WDR12: variants seen among roughly 807,000 people sequenced by gnomAD.
WDR12 encodes the protein ribosome biogenesis protein WDR12.
WDR12 carries 42 observed loss-of-function variants against 64.3 expected under a neutral mutation model. That is an observed-to-expected ratio of 0.65 (90% CI 0.51 to 0.84). The LOEUF (loss-of-function observed/expected upper bound fraction) is 0.84, where lower values mean the gene tolerates loss of function less well. Among genes scored for constraint, WDR12 ranks in the 40% least tolerant of loss-of-function variants. The pLI is 0.00. For missense variants in WDR12, 469 were observed against 494.6 expected (o/e 0.95, Z 0.49); for synonymous variants, 158 against 173.3 (o/e 0.91, Z 0.70).
At chr2:202,896,677 T>C (rs1018318196) in intron 5 of WDR12, among the ~76,000 whole-genome samples, 6 of 141,224 alleles carry the variant, frequency 4.2e-5, no homozygotes, top group African/African-American at 1.3e-4. Flanking sequence ...GGCGACAGAG[T>C]GAGACTCTGC....
At chr2:202,907,629 C>T (rs1436535881) in intron 2 of WDR12, among the ~76,000 whole-genome samples, 2 of 152,196 alleles carry the variant, frequency 1.3e-5, no homozygotes, top group Non-Finnish European at 2.9e-5. Flanking sequence ...TTAACTACAA[C>T]CACCATATTT....
At position 202,896,126 on chromosome 2, in the gene WDR12, T is replaced by C. The variant is rs773376948; in HGVS notation, c.548A>G (p.His183Arg). The C allele has an allele frequency of 3.4e-5, 55 of 1,614,008 alleles. No individual in the cohort carries two copies. Among genetic ancestry groups the C allele is most frequent in the Non-Finnish European group, 4.7e-5 (55 of 1,180,002 alleles). ...ACTTCCAGCATGACCTCTACAGCAG[T>C]GTAGGGCTTTCACTTTGTTTCTCTC... ...NVERNKVKAL[H>R]CCRGHAGSVD... Residue 183 changes from histidine (H) to arginine (R), a missense_variant, in exon 6 of 13, where the codon CAC (histidine) becomes CGC (arginine). By Grantham distance (29) the His-to-Arg change is conservative. Transcript: ENST00000261015.
At chr2:202,908,390 G>C (rs1688500580) in intron 1 of WDR12, among the ~76,000 whole-genome samples, 4 of 152,206 alleles carry the variant, frequency 2.6e-5, no homozygotes, top group Admixed American at 1.3e-4. Context: ...AGGAGGTCGA[G>C]GCTGCAGTGA....
chr2:202,911,360 G>A (rs764882225), intron 1 of WDR12, 76 bp downstream of exon 1: 2 of 1,420,362 alleles, frequency 1.4e-6, no homozygotes, highest in Non-Finnish European at 2.0e-6. Flanking sequence ...AACAACCAGG[G>A]ATCCACAAGG....
At position 202,880,940 on chromosome 2, in the gene WDR12, G is replaced by C. The variant is rs768670020; in HGVS notation, c.1195-3C>G. 1 of 1,599,710 alleles carries C rather than the reference G, an allele frequency of 6.3e-7. No individual in the cohort carries two copies. The highest frequency in any genetic ancestry group is 8.5e-7 in the Non-Finnish European group (1 of 1,173,866). ...TCTGCTCCTCCACTCAGAAGTAGCT[G>C]TGTAAAAGGAGAGAAAAAGACAAGA... On this transcript the variant is annotated splice_polypyrimidine_tract_variant and splice_region_variant and intron_variant, in intron 12 of 12. Transcript: ENST00000261015.
chr2:202,897,521 CT>C (rs892080061), intron 4 of WDR12, 106 bp from the exon 5 acceptor site: 3 of 534,716 alleles, frequency 5.6e-6, no homozygotes, highest in Admixed American at 4.1e-5. Flanking sequence ...CTTTTAAACT[CT>C]TTTTTGATAT....
chr2:202,889,717 C>G (rs1574404468), intron 8 of WDR12, among the ~76,000 whole-genome samples: 1 of 151,294 alleles, frequency 6.6e-6, no homozygotes, highest in Non-Finnish European at 1.5e-5. Flanking sequence ...GAGTTCAAGA[C>G]CAGCCTGGGC....
chr2:202,887,817 A>G lies in WDR12; in HGVS notation c.742-3282T>C, dbSNP rs376914174. 5.6e-3 allele frequency among the ~76,000 whole-genome samples: 844 copies of G among 149,556 alleles called. 10 individuals are homozygous for G. Among genetic ancestry groups the G allele is most frequent in the African/African-American group, 0.019 (787 of 40,914 alleles). On this transcript the variant is annotated intron_variant, in intron 8 of 12. Transcript: ENST00000261015. ...GCAGGAGAATGGCGTGAACCCGGGA[A>G]GCGGAGCTTGCAGTGAGCCGAGATT... is the stretch of plus-strand genomic sequence containing the variant.
intron 11 of WDR12, among the ~76,000 whole-genome samples, chr2:202,883,221 C>T (rs1687986700): frequency 6.6e-6 from 1 of 151,984 alleles, no homozygotes; most frequent in South Asian, 2.1e-4. Flanking sequence ...CTGCAACCTC[C>T]GCCTCCTGGG....
In WDR12 at chr2:202,899,708, C is replaced by A. The variant is rs966348540; in HGVS notation, c.232-71G>T. 6.1e-6 allele frequency: 8 copies of A among 1,322,202 alleles called. No individual in the cohort carries two copies. In the African/African-American group the frequency reaches 1.2e-4, roughly 19 times the overall value. 81.9% of individuals were successfully genotyped at this position (1,322,202 alleles called of 1,614,324 possible). A position where few individuals can be genotyped will look rare whatever the true frequency, so the allele number is the denominator to read the frequency against. On this transcript the variant is annotated intron_variant, in intron 3 of 12. Coordinates refer to ENST00000261015, the MANE Select transcript of WDR12 (RefSeq NM_018256.4). ...AAATATTACATTATGAAGATAACCC[C>A]CAATTTAATATATCTCCTTTATATC...
intron 8 of WDR12, among the ~76,000 whole-genome samples, chr2:202,887,732 CA>C: frequency 6.7e-6 from 1 of 149,860 alleles, no homozygotes; most frequent in Non-Finnish European, 1.5e-5. Flanking sequence ...ACTAAAAATA[CA>C]AAAAATTAGC....
intron 6 of WDR12, chr2:202,894,888 A>C (rs1289025636): frequency 3.1e-6 from 1 of 318,738 alleles, no homozygotes; most frequent in East Asian, 6.0e-5. Context: ...AGACAGCGAG[A>C]GGGTGTGCGG....
chr2:202,906,277 T>C (rs1419358198), intron 2 of WDR12, among the ~76,000 whole-genome samples: 1 of 152,174 alleles, frequency 6.6e-6, no homozygotes, highest in Non-Finnish European at 1.5e-5. Context: ...ATATCCATGA[T>C]GAAAACAAAA....
rs773841750 is a variant in WDR12, at chr2:202,884,414, C to A, written c.863G>T (p.Gly288Val). ...HTIRVWDVESGSLKSTLTGNK... is the reference protein window; with the variant it reads ...HTIRVWDVESVSLKSTLTGNK... ...TCTTACCAAAGTTGACTTAAGACTGCCAGACTCAACATCCCACACTCTAAT... is the reference window on the plus strand; with the variant it reads ...TCTTACCAAAGTTGACTTAAGACTGACAGACTCAACATCCCACACTCTAAT... Residue 288 changes from glycine (G) to valine (V), a missense_variant, in exon 9 of 13, where the codon GGC (glycine) becomes GTC (valine). Physicochemically the swap from Gly to Val is moderately radical, Grantham distance 109. Transcript: ENST00000261015. 2.5e-6 allele frequency: 4 copies of A among 1,614,078 alleles called. No homozygotes were observed. The highest frequency in any genetic ancestry group is 1.7e-5 in the Admixed American group (1 of 60,010).
At chr2:202,901,265 G>T in intron 2 of WDR12, 146 bp from the exon 3 acceptor site, 1 of 485,338 alleles carries the variant, frequency 2.1e-6, no homozygotes, top group Non-Finnish European at 3.5e-6. Context: ...GAAATACTTT[G>T]TTCTGTTAGT....
At chr2:202,896,552 G>A (rs1057498563) in intron 5 of WDR12, among the ~76,000 whole-genome samples, 2 of 152,306 alleles carry the variant, frequency 1.3e-5, no homozygotes, top group African/African-American at 2.4e-5. Context: ...TTAGCCGGGT[G>A]TGGTGGCAGG....
At chr2:202,890,585 G>C (rs1366500541) in intron 8 of WDR12, among the ~76,000 whole-genome samples, 1 of 151,694 alleles carries the variant, frequency 6.6e-6, no homozygotes, top group Non-Finnish European at 1.5e-5. Context: ...CTGGCTAACA[G>C]GGTGAAACCC....
rs1410494862 is a variant in WDR12 at position 202,880,206 on chromosome 2, G to A, written c.*654C>T. The A allele has an allele frequency of 6.6e-6, 1 of 152,046 alleles. No individual in the cohort carries two copies. Among genetic ancestry groups the A allele is most frequent in the Non-Finnish European group, 1.5e-5 (1 of 67,998 alleles). The allele number at this position is 152,046 out of a possible 1,614,324, so 9.4% of individuals were successfully genotyped here. On this transcript the variant is annotated 3_prime_UTR_variant, in exon 13 of 13. Coordinates refer to ENST00000261015, the MANE Select transcript of WDR12 (RefSeq NM_018256.4). The stretch of plus-strand genomic sequence containing the variant: ...CTTAAAAAAATCTAAGTCTCTAACA[G>A]AAATAAAAATCTCAACAATCAATTA...
At position 202,877,860 on chromosome 2, in the gene WDR12, A is replaced by C. The variant is rs1259072285; in HGVS notation, c.*3000T>G. The C allele has an allele frequency of 6.6e-6, 1 of 152,240 alleles. No individual in the cohort carries two copies. Among genetic ancestry groups the C allele is most frequent in the Admixed American group, 6.5e-5 (1 of 15,276 alleles). The allele number at this position is 152,240 out of a possible 1,614,324, so 9.4% of individuals were successfully genotyped here. On this transcript the variant is annotated 3_prime_UTR_variant, in exon 13 of 13. Coordinates refer to ENST00000261015, the MANE Select transcript of WDR12 (RefSeq NM_018256.4). The stretch of plus-strand genomic sequence containing the variant: ...TCCAAGTGATTCTTGGGAATATATA[A>C]GTCCATGTAAAGCAGGCATCTCTGG...
Sources: gnomAD v4.1 joint callset for allele counts (sites outside exome capture counted in the v4.1 genomes callset) on GRCh38, gnomAD v4.1.1 for gene constraint, MANE v1.5 for transcripts, NCBI Gene and HGNC (gene_info 2026-07-23, HGNC 2026-07-21) for gene names.